SGCZ: variants seen among roughly 807,000 people sequenced by gnomAD.
The protein encoded by SGCZ is zeta-sarcoglycan.
SGCZ carries 40 observed loss-of-function variants against 41.3 expected under a neutral mutation model. The ratio of observed to expected loss-of-function variants is 0.97; its 90% CI spans 0.75 to 1.26. The LOEUF is 1.26. SGCZ is among the 50% of genes most tolerant of loss of function. SGCZ has a pLI of 0.00. For missense variants in SGCZ, 552 were observed against 369.8 expected (o/e 1.49, Z -4.04); for synonymous variants, 206 against 137.5 (o/e 1.50, Z -3.49).
At chr8:14,384,405 G>A (rs1190309655) in intron 2 of SGCZ, among the ~76,000 whole-genome samples, 2 of 151,932 alleles carry the variant, frequency 1.3e-5, no homozygotes, top group East Asian at 1.9e-4. Flanking sequence ...AAGAAAATGT[G>A]GCACAAATAC....
chr8:14,360,520 T>C (rs1168353071), intron 2 of SGCZ, among the ~76,000 whole-genome samples: 1 of 152,030 alleles, frequency 6.6e-6, no homozygotes. Context: ...GAGTCAGGGT[T>C]TTACCATGTT....
intron 5 of SGCZ, among the ~76,000 whole-genome samples, chr8:14,159,203 T>G (rs959276432): frequency 6.6e-6 from 1 of 152,134 alleles, no homozygotes. Flanking sequence ...AATGGACAAT[T>G]TTAAAACCTC....
At chr8:14,976,823 T>C (rs1801493813) in intron 1 of SGCZ, among the ~76,000 whole-genome samples, 1 of 152,234 alleles carries the variant, frequency 6.6e-6, no homozygotes, top group Non-Finnish European at 1.5e-5. Flanking sequence ...TTCTGAATGC[T>C]AACAACCAAA....
At chr8:14,444,833 T>C (rs765198045) in intron 2 of SGCZ, among the ~76,000 whole-genome samples, 3 of 151,986 alleles carry the variant, frequency 2.0e-5, no homozygotes, top group Non-Finnish European at 4.4e-5. Flanking sequence ...TAAAATAAAA[T>C]AAATGAAGCC....
In SGCZ at chr8:14,153,854, A is replaced by T. The variant is rs555055357; in HGVS notation, c.547+10726T>A. On this transcript the variant is annotated intron_variant, in intron 5 of 7. Transcript: ENST00000382080. ...ATGAGGATGGGGTCCTCTTGATGAG[A>T]TTAGTGCCCTTATGAGAAGAAGAGA... is the stretch of plus-strand genomic sequence containing the variant. Among the ~76,000 whole-genome samples, 15 of 152,104 alleles carry T rather than the reference A, an allele frequency of 9.9e-5. No homozygotes were observed. The South Asian group carries it at 3.1e-3, about 32-fold the overall frequency.
At chr8:15,075,272 T>G (rs1006081970) in intron 1 of SGCZ, among the ~76,000 whole-genome samples, 7 of 152,098 alleles carry the variant, frequency 4.6e-5, no homozygotes, top group African/African-American at 1.7e-4. Context: ...TAGGTACTTC[T>G]AGACTAAGAA....
intron 2 of SGCZ, among the ~76,000 whole-genome samples, chr8:14,489,065 A>T (rs1423585882): frequency 6.7e-6 from 1 of 148,736 alleles, no homozygotes; most frequent in Non-Finnish European, 1.5e-5. Context: ...AGTAATTCAA[A>T]TTCACAGAAC....
chr8:14,929,279 C>T (rs752345423), intron 1 of SGCZ, among the ~76,000 whole-genome samples: 7 of 152,300 alleles, frequency 4.6e-5, no homozygotes, highest in Non-Finnish European at 8.8e-5. Context: ...GCGTGAACCA[C>T]TGCGCCTGGC....
chr8:15,108,184 T>A (rs1015643900), intron 1 of SGCZ, among the ~76,000 whole-genome samples: 8 of 152,240 alleles, frequency 5.3e-5, no homozygotes, highest in African/African-American at 1.7e-4. Context: ...TTGCTGCTCT[T>A]TTAATAACTT....
chr8:14,186,735 TAGA>T (rs1447969261), intron 4 of SGCZ, among the ~76,000 whole-genome samples: 5 of 152,318 alleles, frequency 3.3e-5, no homozygotes, highest in African/African-American at 1.2e-4. Flanking sequence ...GCCACAGTGC[TAGA>T]AGAAGTTCAA....
At chr8:14,339,515 C>T (rs1366438299) in intron 2 of SGCZ, among the ~76,000 whole-genome samples, 1 of 152,198 alleles carries the variant, frequency 6.6e-6, no homozygotes, top group Non-Finnish European at 1.5e-5. Context: ...GAATCATCGT[C>T]AATGTTTTCT....
intron 2 of SGCZ, among the ~76,000 whole-genome samples, chr8:14,378,646 G>T (rs1273354815): frequency 1.3e-5 from 2 of 152,270 alleles, no homozygotes; most frequent in African/African-American, 2.4e-5. Flanking sequence ...ATTTATAGCT[G>T]GTTGGTCACA....
chr8:14,433,146 A>T (rs749274189), intron 2 of SGCZ, among the ~76,000 whole-genome samples: 2 of 152,198 alleles, frequency 1.3e-5, no homozygotes, highest in South Asian at 4.1e-4. Flanking sequence ...TATTCTTATT[A>T]CAATTAGTAT....
intron 1 of SGCZ, among the ~76,000 whole-genome samples, chr8:15,033,777 G>A (rs1300423378): frequency 6.6e-6 from 1 of 152,102 alleles, no homozygotes. Context: ...GTTGTCTCCT[G>A]AGGATACAAG....
At chr8:14,164,924 A>G in intron 4 of SGCZ, 1 of 478,088 alleles carries the variant, frequency 2.1e-6, no homozygotes, top group East Asian at 3.9e-5. Context: ...TGACCTCTGG[A>G]TGTCTGACAT....
chr8:14,810,785 G>A (rs1585281411), intron 1 of SGCZ, among the ~76,000 whole-genome samples: 1 of 151,932 alleles, frequency 6.6e-6, no homozygotes. Flanking sequence ...ATTCAGGTTT[G>A]TTTATTTACT....
rs868829143 is a variant in SGCZ, at chr8:14,577,392, T to G, written c.40-22466A>C. On this transcript the variant is annotated intron_variant, in intron 1 of 7. Coordinates refer to ENST00000382080, the MANE Select transcript of SGCZ (RefSeq NM_139167.4). Reference sequence around the variant, plus strand: ...AAAGAAAAGAAATATATCTTTTTTTTTTTTTTTTTTTTTTGAGACAGAGTC... The same window carrying G: ...AAAGAAAAGAAATATATCTTTTTTTGTTTTTTTTTTTTTTGAGACAGAGTC... Among the ~76,000 whole-genome samples, 680 of 147,170 alleles carry G rather than the reference T, an allele frequency of 4.6e-3. 3 individuals are homozygous for G. The highest frequency in any genetic ancestry group is 0.014 in the African/African-American group (565 of 39,772).
intron 2 of SGCZ, among the ~76,000 whole-genome samples, chr8:14,425,443 A>C (rs1799753405): frequency 6.6e-6 from 1 of 152,038 alleles, no homozygotes; most frequent in Non-Finnish European, 1.5e-5. Flanking sequence ...CAACATGATG[A>C]AACCCCATCT....
At chr8:14,669,729 CACAAT>C (rs1345229355) in intron 1 of SGCZ, among the ~76,000 whole-genome samples, 4 of 140,786 alleles carry the variant, frequency 2.8e-5, no homozygotes, top group Non-Finnish European at 6.1e-5. Context: ...CACACACACA[CACAAT>C]ATTTTGTTCA....
Sources: allele counts gnomAD v4.1 joint callset (sites outside exome capture counted in the v4.1 genomes callset), GRCh38; gene constraint gnomAD v4.1.1; transcripts MANE v1.5; gene names NCBI Gene and HGNC (gene_info 2026-07-23, HGNC 2026-07-21).